The following DCP1B variants were observed in gnomAD, a reference collection of about 807,000 sequenced individuals.
The protein encoded by DCP1B is mRNA-decapping enzyme 1B.
In DCP1B, 47 loss-of-function variants were observed where a neutral mutation model predicts 60.5. The ratio of observed to expected loss-of-function variants is 0.78; its 90% CI spans 0.61 to 0.99. DCP1B has a LOEUF of 0.99. DCP1B is among the 50% of genes least tolerant of loss of function. The pLI, the probability that DCP1B is intolerant of heterozygous loss-of-function variation, is 0.00. For missense variants in DCP1B, 725 were observed against 756.8 expected (o/e 0.96, Z 0.49); for synonymous variants, 267 against 280.3 (o/e 0.95, Z 0.47).
At chr12:1,979,500 G>A (rs1390122159) in intron 3 of DCP1B, among the ~76,000 whole-genome samples, 1 of 146,224 alleles carries the variant, frequency 6.8e-6, no homozygotes, top group African/African-American at 2.5e-5. Flanking sequence ...TTAGTAGAGA[G>A]GGGGTTTCAC....
intron 3 of DCP1B, among the ~76,000 whole-genome samples, chr12:1,981,729 C>T (rs1055223470): frequency 7.2e-5 from 11 of 152,098 alleles, no homozygotes; most frequent in African/African-American, 2.7e-4. Flanking sequence ...ACATAAAAGA[C>T]ATATATGCTG....
intron 4 of DCP1B, among the ~76,000 whole-genome samples, chr12:1,967,144 A>G (rs919843255): frequency 1.3e-5 from 2 of 152,256 alleles, no homozygotes; most frequent in African/African-American, 4.8e-5. Flanking sequence ...ACTGCAGAGC[A>G]GAGAACAAGC....
intron 7 of DCP1B, among the ~76,000 whole-genome samples, chr12:1,951,893 A>G (rs2030682882): frequency 6.6e-6 from 1 of 152,198 alleles, no homozygotes; most frequent in African/African-American, 2.4e-5. Context: ...CTAAGTTCCT[A>G]CAGTCAAAAA....
intron 7 of DCP1B, chr12:1,950,300 T>C: frequency 1.4e-6 from 1 of 702,224 alleles, no homozygotes; most frequent in Admixed American, 2.0e-5. Context: ...CTCCCGGAGG[T>C]GGAGTCAAGC....
Position 1,971,240 on chromosome 12 carries a change from A to G in DCP1B, c.320-3330T>C. ...AAGTGAAATAAAGAGTAGGAAGAACATGTTGAAATTTACTCTAAATATCCT... is the reference window on the plus strand; with the variant it reads ...AAGTGAAATAAAGAGTAGGAAGAACGTGTTGAAATTTACTCTAAATATCCT... On this transcript the variant is annotated intron_variant, in intron 3 of 8. Coordinates refer to ENST00000280665, the MANE Select transcript of DCP1B (RefSeq NM_152640.5). The surrounding 1 kb of genome is among the most constrained non-coding windows in gnomAD (Gnocchi z 4.2). 8.4e-7 allele frequency: 1 copy of G among 1,185,836 alleles called. No homozygotes were observed. Among genetic ancestry groups the G allele is most frequent in the Non-Finnish European group, 1.1e-6 (1 of 897,196 alleles). 73.5% of individuals were successfully genotyped at this position (1,185,836 alleles called of 1,614,324 possible).
chr12:1,953,445 C>T (rs1202225499), intron 6 of DCP1B, among the ~76,000 whole-genome samples, 157 bp from the exon 7 acceptor site: 3 of 151,992 alleles, frequency 2.0e-5, no homozygotes, highest in Non-Finnish European at 4.4e-5. Context: ...AATGAGATCC[C>T]CTTTTTAATG....
chr12:1,995,014 G>A (rs574799287), intron 2 of DCP1B, among the ~76,000 whole-genome samples: 1 of 150,932 alleles, frequency 6.6e-6, no homozygotes, highest in Non-Finnish European at 1.5e-5. Flanking sequence ...GGGGATAAGG[G>A]AGGCATCCCA....
rs1335028335 is a variant in DCP1B, at chr12:1,993,317, T to C, written c.266A>G (p.Lys89Arg). Residue 89 changes from lysine to arginine, a missense_variant, in exon 3 of 9, where the codon AAA (lysine) becomes AGA (arginine). Lys to Arg is a conservative substitution (Grantham distance 26). Transcript: ENST00000280665. ...SMENRTEPIT[K>R]DLDFQLQDPF... ...GTCCTGGAGTTGGAAATCCAAGTCT[T>C]TAGTAATAGGTTCTGTCCTATTTTC... The C allele has an allele frequency of 3.1e-6, 5 of 1,614,002 alleles. No individual in the cohort carries two copies. Among genetic ancestry groups the C allele is most frequent in the Non-Finnish European group, 4.2e-6 (5 of 1,179,984 alleles).
intron 3 of DCP1B, among the ~76,000 whole-genome samples, chr12:1,977,542 C>T (rs1015642430): frequency 4.6e-5 from 7 of 152,134 alleles, no homozygotes; most frequent in Admixed American, 2.6e-4. Context: ...TTGTTAAGTA[C>T]ACTGTACATG....
At chr12:1,954,550 A>G (rs1379148843) in intron 6 of DCP1B, among the ~76,000 whole-genome samples, 1 of 152,132 alleles carries the variant, frequency 6.6e-6, no homozygotes, top group Non-Finnish European at 1.5e-5. Flanking sequence ...ATATATATAT[A>G]TATACACTAA....
chr12:1,960,810 ATC>A (rs1479035306), intron 5 of DCP1B, among the ~76,000 whole-genome samples: 2 of 152,200 alleles, frequency 1.3e-5, no homozygotes, highest in East Asian at 1.9e-4. Context: ...TAACTGTTCA[ATC>A]TCTTCTTGAA....
chr12:1,983,452 T>C (rs1239283183), intron 3 of DCP1B, among the ~76,000 whole-genome samples: 2 of 152,060 alleles, frequency 1.3e-5, no homozygotes, highest in Non-Finnish European at 2.9e-5. Context: ...TCAGTTCAAA[T>C]GTTCTCTAAT....
Position 1,948,770 on chromosome 12 carries a change from C to G in DCP1B, c.1773+316G>C, listed in dbSNP as rs926290863. ...GAGTTTTCTGTCTGGGCCTCCAGCA[C>G]CCAGGGTCCTCTCAGGGACTGCTTA... is the stretch of plus-strand genomic sequence containing the variant. On this transcript the variant is annotated intron_variant, in intron 8 of 8. Coordinates refer to ENST00000280665, the MANE Select transcript of DCP1B (RefSeq NM_152640.5). This position sits in a 1 kb window ranked among gnomAD's most constrained non-coding sequence, Gnocchi z 4.8. Among the ~76,000 whole-genome samples, 1 of 152,222 alleles carries G rather than the reference C, an allele frequency of 6.6e-6. No homozygotes were observed. The highest frequency in any genetic ancestry group is 2.4e-5 in the African/African-American group (1 of 41,454).
At chr12:1,993,198 G>A (rs774442508) in intron 3 of DCP1B, 66 bp downstream of exon 3, 10 of 1,607,582 alleles carry the variant, frequency 6.2e-6, no homozygotes, top group Non-Finnish European at 8.5e-6. Flanking sequence ...GGCAAACACT[G>A]TACAATTTTA....
chr12:1,997,081 C>T (rs932920136), intron 2 of DCP1B, among the ~76,000 whole-genome samples: 3 of 150,882 alleles, frequency 2.0e-5, no homozygotes, highest in Non-Finnish European at 3.0e-5. Flanking sequence ...TATATGCACT[C>T]GTAATTTGAT....
At chr12:2,003,037 C>A (rs561778811) in intron 1 of DCP1B, among the ~76,000 whole-genome samples, 2 of 152,194 alleles carry the variant, frequency 1.3e-5, no homozygotes, top group East Asian at 3.8e-4. Context: ...TCTTCCTGTT[C>A]TCCTTTTGTG....
chr12:1,959,333 T>C (rs1169780186), intron 5 of DCP1B, among the ~76,000 whole-genome samples: 1 of 152,134 alleles, frequency 6.6e-6, no homozygotes, highest in African/African-American at 2.4e-5. Flanking sequence ...ACAACATACA[T>C]ACGATAAGAG....
At chr12:1,965,446 A>G (rs2031261033) in intron 5 of DCP1B, 112 bp downstream of exon 5, 2 of 1,231,202 alleles carry the variant, frequency 1.6e-6, no homozygotes, top group Admixed American at 3.4e-5. Context: ...TTTGTAATAT[A>G]ATTTTGTTTG....
intron 1 of DCP1B, among the ~76,000 whole-genome samples, chr12:2,002,171 A>C (rs1227204758): frequency 1.3e-5 from 2 of 152,106 alleles, no homozygotes; most frequent in Non-Finnish European, 2.9e-5. Context: ...TTCTTCATCC[A>C]TTTTCAGGGC....
Sources: allele counts gnomAD v4.1 joint callset (sites outside exome capture counted in the v4.1 genomes callset), GRCh38; gene constraint gnomAD v4.1.1; non-coding constraint Gnocchi (gnomAD v3.1); transcripts MANE v1.5; gene names NCBI Gene and HGNC (gene_info 2026-07-23, HGNC 2026-07-21).